Variants in ZBTB16 observed in about 807,000 individuals in gnomAD.
ZBTB16 encodes the protein zinc finger and BTB domain-containing protein 16.
ZBTB16 carries 8 observed loss-of-function variants against 56.8 expected under a neutral mutation model. That is an observed-to-expected ratio of 0.14 (90% CI 0.08 to 0.25). ZBTB16 has a LOEUF of 0.25. ZBTB16 is among the 10% of genes least tolerant of loss of function. The probability of loss-of-function intolerance (pLI) is 1.00; values close to 1 mark genes in which losing one functional copy is unlikely to be tolerated. For synonymous variants in ZBTB16, 363 were observed against 368.5 expected, an observed-to-expected ratio of 0.98 and a Z score of 0.17; for missense variants, 625 against 903.0, an observed-to-expected ratio of 0.69 and a Z score of 3.95.
intron 6 of ZBTB16, 152 bp downstream of exon 6, chr11:114,247,517 G>A: frequency 1.8e-6 from 2 of 1,083,102 alleles, no homozygotes; most frequent in Non-Finnish European, 1.3e-6. Flanking sequence ...GGTGGCCTGA[G>A]GACCACCACA....
At chr11:114,108,471 A>G (rs1200153981) in intron 2 of ZBTB16, among the ~76,000 whole-genome samples, 1 of 152,188 alleles carries the variant, frequency 6.6e-6, no homozygotes, top group Non-Finnish European at 1.5e-5. Context: ...TCTTCTTAGT[A>G]ATTGCTCTCT....
chr11:114,179,559 A>C (rs1307429987), intron 3 of ZBTB16, among the ~76,000 whole-genome samples: 1 of 152,168 alleles, frequency 6.6e-6, no homozygotes, highest in Non-Finnish European at 1.5e-5. Flanking sequence ...CAGAACATTC[A>C]AGATGTTTAT....
rs1161141800 is a variant in ZBTB16, at chr11:114,251,593, C to A, written c.*1038C>A. Among the ~76,000 whole-genome samples, 1 of 152,144 alleles carries A rather than the reference C, an allele frequency of 6.6e-6. No individual in the cohort carries two copies. Among genetic ancestry groups the A allele is most frequent in the Admixed American group, 6.5e-5 (1 of 15,270 alleles). On this transcript the variant is annotated 3_prime_UTR_variant, in exon 7 of 7. Transcript: ENST00000335953. ...GGTCCCACACCTGGAAAAGAGGACA[C>A]CCAGCCCGTGGGATGAGGGAAGCTG...
In ZBTB16 at chr11:114,233,081, G is replaced by GCACACACACA. The variant is rs1198148768; in HGVS notation, c.1454-9050_1454-9041dup. ...CACATACGCATGCGCGCGCGCGCGCGCACACACACACACACACACACACAC... is the reference window on the plus strand; with the variant it reads ...CACATACGCATGCGCGCGCGCGCGCGCACACACACACACACACACACACACACACACACAC... On this transcript the variant is annotated intron_variant, in intron 4 of 6. Coordinates refer to ENST00000335953, the MANE Select transcript of ZBTB16 (RefSeq NM_006006.6). Among the ~76,000 whole-genome samples the GCACACACACA allele has an allele frequency of 1.6e-4, 14 of 87,558 alleles. 1 individual carries two copies. The highest frequency in any genetic ancestry group is 9.7e-4 in the South Asian group (2 of 2,056). The allele number at this position is 87,558 out of a possible 152,430, so 57.4% of individuals were successfully genotyped here.
At position 114,253,218 on chromosome 11, in the gene ZBTB16, C is replaced by T. The variant is rs1158832300; in HGVS notation, c.*2663C>T. Among the ~76,000 whole-genome samples, 2 of 152,160 alleles carry T rather than the reference C, an allele frequency of 1.3e-5. No individual in the cohort carries two copies. Among genetic ancestry groups the T allele is most frequent in the Non-Finnish European group, 2.9e-5 (2 of 68,036 alleles). On this transcript the variant is annotated 3_prime_UTR_variant, in exon 7 of 7. Coordinates refer to ENST00000335953, the MANE Select transcript of ZBTB16 (RefSeq NM_006006.6). ...AGGAAGAGAAAAAAATCAAACTATT[C>T]CATAGAACTAGCTGGCCCCCTCACT...
intron 2 of ZBTB16, among the ~76,000 whole-genome samples, chr11:114,122,704 G>A (rs765915717): frequency 1.3e-5 from 2 of 152,092 alleles, no homozygotes; most frequent in Non-Finnish European, 2.9e-5. Context: ...AGACCACAGA[G>A]TCGAAAAATG....
intron 4 of ZBTB16, among the ~76,000 whole-genome samples, chr11:114,235,652 T>TTCTC (rs1398089673): frequency 4.3e-5 from 1 of 23,006 alleles, no homozygotes; most frequent in African/African-American, 1.1e-4. Flanking sequence ...CTTTCTTTCT[T>TTCTC]TCTTTCTTTC....
chr11:114,090,539 T>C (rs568661074), intron 2 of ZBTB16, among the ~76,000 whole-genome samples: 2 of 152,308 alleles, frequency 1.3e-5, no homozygotes, highest in Admixed American at 1.3e-4. Context: ...GTGGACTTTC[T>C]GGTGGTGAGA....
In ZBTB16 at chr11:114,119,740, C is replaced by CA. The variant is rs144308361; in HGVS notation, c.1269-36596dup. On this transcript the variant is annotated intron_variant, in intron 2 of 6. Coordinates refer to ENST00000335953, the MANE Select transcript of ZBTB16 (RefSeq NM_006006.6). ...TCTCTGAGTTAGGTTCTTTAAAAGA[C>CA]AGAGTTTTGTTAATCCTCACAATTT... Among the ~76,000 whole-genome samples the CA allele has an allele frequency of 9.5e-3, 1,446 of 152,282 alleles. 21 individuals carry two copies. Among genetic ancestry groups the CA allele is most frequent in the African/African-American group, 0.033 (1,367 of 41,542 alleles).
chr11:114,136,879 A>T (rs543372491), intron 2 of ZBTB16, among the ~76,000 whole-genome samples: 1 of 152,036 alleles, frequency 6.6e-6, no homozygotes, highest in Non-Finnish European at 1.5e-5. Context: ...TTTATGACTG[A>T]GCTCTCATTC....
intron 4 of ZBTB16, among the ~76,000 whole-genome samples, chr11:114,201,676 A>G (rs529721424): frequency 7.2e-5 from 11 of 152,334 alleles, no homozygotes; most frequent in African/African-American, 2.6e-4. Flanking sequence ...ATAAAAGCTG[A>G]TTAGAGAAAT....
chr11:114,191,634 A>G (rs936790754), intron 4 of ZBTB16, among the ~76,000 whole-genome samples: 4 of 152,242 alleles, frequency 2.6e-5, no homozygotes, highest in African/African-American at 9.6e-5. Flanking sequence ...TAAAAGGCTC[A>G]GGATCATTTA....
intron 5 of ZBTB16, among the ~76,000 whole-genome samples, chr11:114,243,484 C>T (rs569266050): frequency 2.0e-5 from 3 of 152,326 alleles, no homozygotes; most frequent in East Asian, 1.9e-4. Context: ...TCCTGGCTGT[C>T]ACTTCTGGAT....
chr11:114,162,638 A>G (rs1942621810), intron 3 of ZBTB16, among the ~76,000 whole-genome samples: 1 of 152,076 alleles, frequency 6.6e-6, no homozygotes, highest in Admixed American at 6.5e-5. Context: ...GCTTCCTACC[A>G]TCAGGGCAAA....
At chr11:114,151,236 A>C (rs1204073371) in intron 2 of ZBTB16, among the ~76,000 whole-genome samples, 1 of 152,126 alleles carries the variant, frequency 6.6e-6, no homozygotes, top group Non-Finnish European at 1.5e-5. Flanking sequence ...GAAAGCAAAA[A>C]CCCAAAGCAT....
intron 2 of ZBTB16, among the ~76,000 whole-genome samples, chr11:114,065,530 C>T (rs1939082384): frequency 1.3e-5 from 2 of 152,190 alleles, no homozygotes; most frequent in Admixed American, 1.3e-4. Context: ...GATTCTCCTG[C>T]CTCAGCCTCC....
At chr11:114,188,288 A>G (rs1433342975) in intron 4 of ZBTB16, 2 of 152,416 alleles carry the variant, frequency 1.3e-5, no homozygotes. Context: ...AGATGAGGAA[A>G]CTGAGGCTGA....
At chr11:114,146,344 G>A (rs1475990388) in intron 2 of ZBTB16, among the ~76,000 whole-genome samples, 1 of 152,142 alleles carries the variant, frequency 6.6e-6, no homozygotes, top group Admixed American at 6.5e-5. Flanking sequence ...CTCTGGCTTA[G>A]GTAGGAATAT....
Position 114,167,218 on chromosome 11 carries a change from TTTTTTTTTTTTTGG to T in ZBTB16, c.1366+10797_1366+10810del, listed in dbSNP as rs1346540873. Reference sequence around the variant, plus strand: ...CCTCGGGCCATTATGGATTTGTGGTTTTTTTTTTTTTTGGTTTTTTTTTTTTTTTTTTTTTGACA... The same window carrying T: ...CCTCGGGCCATTATGGATTTGTGGTTTTTTTTTTTTTTTTTTTTTTTGACA... On this transcript the variant is annotated intron_variant, in intron 3 of 6. Transcript: ENST00000335953. 3.8e-4 allele frequency among the ~76,000 whole-genome samples: 24 copies of T among 62,640 alleles called. No homozygotes were observed. The East Asian group carries it at 6.3e-3, about 16-fold the overall frequency. The allele number at this position is 62,640 out of a possible 152,430, so 41.1% of individuals were successfully genotyped here.
Sources: gnomAD v4.1 joint callset for allele counts (sites outside exome capture counted in the v4.1 genomes callset) on GRCh38, gnomAD v4.1.1 for gene constraint, MANE v1.5 for transcripts, NCBI Gene and HGNC (gene_info 2026-07-23, HGNC 2026-07-21) for gene names.